FOXO3: variants seen among roughly 807,000 people sequenced by gnomAD.
FOXO3 encodes forkhead box protein O3.
FOXO3 carries 4 observed loss-of-function variants against 41.9 expected under a neutral mutation model. The ratio of observed to expected loss-of-function variants is 0.10; its 90% CI spans 0.05 to 0.22. The LOEUF is 0.22. FOXO3 is among the 10% of genes least tolerant of loss of function. The pLI, the probability that FOXO3 is intolerant of heterozygous loss-of-function variation, is 1.00. For synonymous variants in FOXO3, 318 were observed against 389.3 expected (o/e 0.82, Z 2.16); for missense variants, 534 against 906.8 (o/e 0.59, Z 5.28).
chr6:108,572,664 GAT>G (rs556789780), intron 1 of FOXO3, among the ~76,000 whole-genome samples: 7 of 152,186 alleles, frequency 4.6e-5, no homozygotes, highest in African/African-American at 1.4e-4. Context: ...TTATATTAGA[GAT>G]ATGTGTAGTT....
At chr6:108,642,090 T>TTTC (rs1778275573) in intron 1 of FOXO3, among the ~76,000 whole-genome samples, 1 of 26,332 alleles carries the variant, frequency 3.8e-5, no homozygotes, top group Non-Finnish European at 1.6e-4. Flanking sequence ...GCTTTTGGTG[T>TTTC]TTTTTTTTTT....
At chr6:108,668,326 G>A (rs1247782910) in intron 2 of FOXO3, among the ~76,000 whole-genome samples, 1 of 152,170 alleles carries the variant, frequency 6.6e-6, no homozygotes, top group South Asian at 2.1e-4. Flanking sequence ...AGAATTCTTT[G>A]ACCCTTAGGT....
At chr6:108,639,975 A>G (rs1778214955) in intron 1 of FOXO3, among the ~76,000 whole-genome samples, 1 of 152,208 alleles carries the variant, frequency 6.6e-6, no homozygotes, top group South Asian at 2.1e-4. Flanking sequence ...AGAAAACCAT[A>G]CACCTGTGAG....
rs1236868289 is a variant in FOXO3 at position 108,664,676 on chromosome 6, A to G, written c.1843A>G (p.Met615Val). Residue 615 changes from methionine (M) to valine (V), a missense_variant, in exon 2 of 3, where the codon ATG becomes GTG. By Grantham distance (21) the Met-to-Val change is conservative. Around this residue, in one of 8 missense-constraint regions of FOXO3, gnomAD observed 94 missense variants for 214.4 expected, o/e 0.44. Coordinates refer to ENST00000406360, the MANE Select transcript of FOXO3 (RefSeq NM_001455.4). ...EKFPSDLDLD[M>V]FNGSLECDME... The stretch of plus-strand genomic sequence containing the variant: ...GTTCCCCAGCGACTTGGACCTGGAC[A>G]TGTTCAATGGGAGCTTGGAATGTGA... 1 of 1,037,034 alleles carries G rather than the reference A, an allele frequency of 9.6e-7. No individual in the cohort carries two copies. The highest frequency in any genetic ancestry group is 1.5e-6 in the Non-Finnish European group (1 of 673,738). 64.2% of individuals were successfully genotyped at this position (1,037,034 alleles called of 1,614,324 possible).
chr6:108,610,614 G>T (rs1777333786), intron 1 of FOXO3, among the ~76,000 whole-genome samples: 1 of 152,162 alleles, frequency 6.6e-6, no homozygotes, highest in Non-Finnish European at 1.5e-5. Flanking sequence ...CAGGGACTGG[G>T]TGAAGTCTGA....
At chr6:108,620,100 C>A (rs1777625822) in intron 1 of FOXO3, among the ~76,000 whole-genome samples, 1 of 152,176 alleles carries the variant, frequency 6.6e-6, no homozygotes, top group Admixed American at 6.5e-5. Flanking sequence ...AGCATGGTGC[C>A]TTCCCCAGAC....
At chr6:108,569,690 G>T (rs1776038307) in intron 1 of FOXO3, among the ~76,000 whole-genome samples, 1 of 152,106 alleles carries the variant, frequency 6.6e-6, no homozygotes, top group South Asian at 2.1e-4. Flanking sequence ...GTTATCTTCT[G>T]GAGGCTCACC....
intron 1 of FOXO3, among the ~76,000 whole-genome samples, chr6:108,569,113 G>A (rs1377054475): frequency 6.6e-6 from 1 of 152,232 alleles, no homozygotes; most frequent in Non-Finnish European, 1.5e-5. Context: ...TTTTGGGGCA[G>A]AAGTCCCAAA....
At chr6:108,573,961 G>A (rs901449810) in intron 1 of FOXO3, among the ~76,000 whole-genome samples, 1 of 151,800 alleles carries the variant, frequency 6.6e-6, no homozygotes, top group African/African-American at 2.4e-5. Flanking sequence ...AGACCAGCCT[G>A]ACCAAGATGG....
chr6:108,639,619 G>A (rs1322527230), intron 1 of FOXO3: 2 of 982,400 alleles, frequency 2.0e-6, no homozygotes, highest in Admixed American at 6.2e-5. Context: ...GGTTTGGTTT[G>A]CTCCTGGTTG....
chr6:108,571,344 T>G (rs1776092590), intron 1 of FOXO3, among the ~76,000 whole-genome samples: 1 of 152,204 alleles, frequency 6.6e-6, no homozygotes, highest in Non-Finnish European at 1.5e-5. Flanking sequence ...ATGCCCCATA[T>G]TTTGGTGGTG....
chr6:108,564,629 AAGAATT>A (rs1405040742), intron 1 of FOXO3, among the ~76,000 whole-genome samples: 5 of 152,220 alleles, frequency 3.3e-5, no homozygotes, highest in Non-Finnish European at 5.9e-5. Context: ...CATAAAATGA[AAGAATT>A]AGAAAAGAGG....
chr6:108,604,436 C>A (rs545151362), intron 1 of FOXO3, among the ~76,000 whole-genome samples: 1 of 151,432 alleles, frequency 6.6e-6, no homozygotes, highest in African/African-American at 2.4e-5. Context: ...TTTTTCTTTT[C>A]GAATTTAAAG....
chr6:108,663,360 A>G (rs1268698452), intron 1 of FOXO3, 95 bp from the exon 2 acceptor site: 3 of 1,493,326 alleles, frequency 2.0e-6, no homozygotes. Flanking sequence ...AAAATAAAAT[A>G]AAAAATGAAT....
chr6:108,665,425 A>T (rs1233038844), intron 2 of FOXO3, among the ~76,000 whole-genome samples: 2 of 152,042 alleles, frequency 1.3e-5, no homozygotes, highest in African/African-American at 4.8e-5. Flanking sequence ...TGTATTCTAG[A>T]CTCTTTCATA....
intron 1 of FOXO3, 47 bp downstream of exon 1, chr6:108,561,876 C>T (rs1265366772): frequency 6.7e-7 from 1 of 1,496,860 alleles, no homozygotes. Flanking sequence ...GGGCCTCCTG[C>T]GCAGCGCGAG....
intron 1 of FOXO3, among the ~76,000 whole-genome samples, chr6:108,634,806 GAATA>G (rs1299874114): frequency 6.6e-6 from 1 of 151,916 alleles, no homozygotes; most frequent in African/African-American, 2.4e-5. Flanking sequence ...TGAAACTTAA[GAATA>G]AATATTTTTT....
At position 108,561,238 on chromosome 6, in the gene FOXO3, G is replaced by T. The variant is rs1319462687; in HGVS notation, c.30G>T (p.Pro10=). 3.8e-6 allele frequency: 6 copies of T among 1,562,952 alleles called. No homozygotes were observed. The highest frequency in any genetic ancestry group is 5.2e-6 in the Non-Finnish European group (6 of 1,156,728). Reference sequence around the variant, plus strand: ...CAGAGGCACCGGCTTCCCCGGCCCCGCTCTCTCCGCTCGAAGTGGAGCTGG... The same window carrying T: ...CAGAGGCACCGGCTTCCCCGGCCCCTCTCTCTCCGCTCGAAGTGGAGCTGG... MAEAPASPA[P]LSPLEVELDP... is the part of the protein sequence containing the mutation. The change falls in exon 1 of 3, where the codon CCG becomes CCT. Residue 10 remains proline (P), a synonymous_variant. Transcript: ENST00000406360.
chr6:108,586,193 G>C (rs1312721606), intron 1 of FOXO3, among the ~76,000 whole-genome samples: 2 of 152,200 alleles, frequency 1.3e-5, no homozygotes, highest in Admixed American at 6.5e-5. Context: ...GGACAACATA[G>C]TACTTGACAG....
Sources: gnomAD v4.1 joint callset for allele counts (sites outside exome capture counted in the v4.1 genomes callset) on GRCh38, gnomAD v4.1.1 for gene constraint, gnomAD v4.1.1 regional missense constraint, MANE v1.5 for transcripts, NCBI Gene and HGNC (gene_info 2026-07-23, HGNC 2026-07-21) for gene names.